Variants in GRAP2 observed in about 807,000 individuals in gnomAD.
GRAP2 encodes the protein GRB2-related adapter protein 2.
Under a neutral mutation model 43.5 loss-of-function variants are expected in GRAP2, and 31 were observed. The observed-to-expected ratio is 0.71, with a 90% CI of 0.54 to 0.96. GRAP2 has a LOEUF of 0.96. GRAP2 is among the 40% of genes least tolerant of loss of function. The probability of loss-of-function intolerance (pLI) is 0.00; values close to 1 mark genes in which losing one functional copy is unlikely to be tolerated. For synonymous variants in GRAP2, 156 were observed against 164.8 expected (o/e 0.95, Z 0.41); for missense variants, 371 against 424.4 (o/e 0.87, Z 1.11).
In GRAP2 at chr22:39,968,255, C is replaced by T; in HGVS notation, c.673C>T (p.His225Tyr). 1 of 1,612,696 alleles carries T rather than the reference C, an allele frequency of 6.2e-7. No homozygotes were observed. The highest frequency in any genetic ancestry group is 8.5e-7 in the Non-Finnish European group (1 of 1,178,750). ...GCCCCCACAGCAGCGATATCTGCAG[C>T]ACCACCATTTCCACCAGGTATCTGG... Reference protein sequence around the residue: ...QQPPQQRYLQHHHFHQERRGG... With the variant: ...QQPPQQRYLQYHHFHQERRGG... The change falls in exon 6 of 8, where the codon CAC (histidine) becomes TAC (tyrosine). Residue 225 changes from histidine to tyrosine, a missense_variant. Physicochemically the swap from His to Tyr is moderately conservative, Grantham distance 83 (BLOSUM62 2). Coordinates refer to ENST00000344138, the MANE Select transcript of GRAP2 (RefSeq NM_004810.4).
chr22:39,943,981 A>G (rs2066896091), intron 1 of GRAP2, among the ~76,000 whole-genome samples: 1 of 152,106 alleles, frequency 6.6e-6, no homozygotes, highest in Non-Finnish European at 1.5e-5. Flanking sequence ...CTGGGATTAC[A>G]GGCGTGAGCC....
At chr22:39,968,458 A>AACACACACACAC (rs138010) in intron 6 of GRAP2, 186 bp downstream of exon 6, 38 of 523,904 alleles carry the variant, frequency 7.3e-5, no homozygotes, top group African/African-American at 6.9e-4. Flanking sequence ...CTCCCACCTG[A>AACACACACACAC]ACACACACAC....
At chr22:39,951,292 A>G (rs1401992094) in intron 2 of GRAP2, among the ~76,000 whole-genome samples, 1 of 152,200 alleles carries the variant, frequency 6.6e-6, no homozygotes, top group African/African-American at 2.4e-5. Flanking sequence ...CCAGCCTCAC[A>G]TTTGAATTTG....
chr22:39,942,930 G>A (rs545866991), intron 1 of GRAP2, among the ~76,000 whole-genome samples: 1 of 152,092 alleles, frequency 6.6e-6, no homozygotes, highest in Admixed American at 6.5e-5. Context: ...ACATAAACTG[G>A]GGCAAGTATT....
chr22:39,956,520 C>T (rs907723228), intron 3 of GRAP2, among the ~76,000 whole-genome samples: 2 of 149,674 alleles, frequency 1.3e-5, no homozygotes, highest in Admixed American at 6.7e-5. Flanking sequence ...TGAGACAGAA[C>T]CTTGCTCTGT....
chr22:39,895,087 G>A, the GRAP2 span, among the ~76,000 whole-genome samples: 1 of 152,174 alleles, frequency 6.6e-6, no homozygotes, highest in Non-Finnish European at 1.5e-5. Context: ...TATTAGTGGA[G>A]CAGCAGAGGA....
intron 4 of GRAP2, chr22:39,964,100 A>G (rs1188099024): frequency 4.5e-5 from 16 of 358,090 alleles, no homozygotes; most frequent in Non-Finnish European, 5.0e-6. Flanking sequence ...ACATCAGGCA[A>G]TTGGCATCAC....
intron 1 of GRAP2, among the ~76,000 whole-genome samples, chr22:39,930,200 A>G (rs1218320389): frequency 6.6e-6 from 1 of 152,174 alleles, no homozygotes; most frequent in Non-Finnish European, 1.5e-5. Context: ...TGTGACTTGC[A>G]TTCTATTTCT....
At chr22:39,970,443 T>C (rs568505683) in intron 7 of GRAP2, among the ~76,000 whole-genome samples, 7 of 152,298 alleles carry the variant, frequency 4.6e-5, no homozygotes, top group Middle Eastern at 3.4e-3. Context: ...TTGGGGCATG[T>C]TGCCCTTCTG....
chr22:39,936,698 AAGAG>A (rs772648670), intron 1 of GRAP2, among the ~76,000 whole-genome samples: 6 of 151,970 alleles, frequency 3.9e-5, no homozygotes, highest in African/African-American at 1.5e-4. Flanking sequence ...GAGAAAGAGG[AAGAG>A]AGAGAGACAG....
chr22:39,905,314 T>C (rs1027057301), intron 1 of GRAP2, among the ~76,000 whole-genome samples: 1 of 152,274 alleles, frequency 6.6e-6, no homozygotes, highest in Non-Finnish European at 1.5e-5. Context: ...GACATGCAAA[T>C]TCATCATTAT....
chr22:39,917,263 C>T (rs1009052829), intron 1 of GRAP2, among the ~76,000 whole-genome samples: 11 of 152,198 alleles, frequency 7.2e-5, no homozygotes, highest in African/African-American at 2.7e-4. Context: ...AGCTCTCTAA[C>T]ATCGTTTCTC....
intron 2 of GRAP2, among the ~76,000 whole-genome samples, chr22:39,953,640 C>G (rs1392371159): frequency 6.6e-6 from 1 of 152,190 alleles, no homozygotes; most frequent in Non-Finnish European, 1.5e-5. Context: ...GACAGAGTCT[C>G]TCTCTGTTGT....
intron 1 of GRAP2, among the ~76,000 whole-genome samples, chr22:39,934,117 G>A (rs1162360142): frequency 1.3e-5 from 2 of 152,118 alleles, no homozygotes; most frequent in East Asian, 1.9e-4. Flanking sequence ...ACCCTGTTAC[G>A]GTTTCTTTCT....
At chr22:39,946,004 G>A (rs2066918553) in intron 1 of GRAP2, among the ~76,000 whole-genome samples, 1 of 152,152 alleles carries the variant, frequency 6.6e-6, no homozygotes, top group South Asian at 2.1e-4. Flanking sequence ...GGGATTACAG[G>A]CACGTGCCAC....
chr22:39,916,316 A>G (rs2066602167), intron 1 of GRAP2, among the ~76,000 whole-genome samples: 1 of 152,204 alleles, frequency 6.6e-6, no homozygotes, highest in Admixed American at 6.5e-5. Flanking sequence ...TCAAGGAGAG[A>G]ATTCCACGGA....
At chr22:39,953,080 G>A (rs1807440717) in intron 2 of GRAP2, among the ~76,000 whole-genome samples, 1 of 152,230 alleles carries the variant, frequency 6.6e-6, no homozygotes, top group East Asian at 1.9e-4. Flanking sequence ...CAAGCACTTA[G>A]TTCTTTCCAT....
At chr22:39,911,285 G>A (rs1389517266) in intron 1 of GRAP2, among the ~76,000 whole-genome samples, 1 of 151,984 alleles carries the variant, frequency 6.6e-6, no homozygotes, top group African/African-American at 2.4e-5. Flanking sequence ...GTAACATCAC[G>A]TGATGGTCAG....
Position 39,947,168 on chromosome 22 carries a change from C to G in GRAP2, c.62C>G (p.Thr21Ser). The G allele has an allele frequency of 6.3e-7, 1 of 1,592,998 alleles. No individual in the cohort carries two copies. The highest frequency in any genetic ancestry group is 8.6e-7 in the Non-Finnish European group (1 of 1,160,736). Reference sequence around the variant, plus strand: ...GGTGAGGATGAACTGAGCTTTCACACTGGAGATGTTTTGAAGGTAGGTGAC... The same window carrying G: ...GGTGAGGATGAACTGAGCTTTCACAGTGGAGATGTTTTGAAGGTAGGTGAC... ...ASGEDELSFH[T>S]GDVLKILSNQ... The change falls in exon 2 of 8, where the codon ACT becomes AGT. Residue 21 changes from threonine (T) to serine (S), a missense_variant. Coordinates refer to ENST00000344138, the MANE Select transcript of GRAP2 (RefSeq NM_004810.4).
Sources: allele counts gnomAD v4.1 joint callset (sites outside exome capture counted in the v4.1 genomes callset), GRCh38; gene constraint gnomAD v4.1.1; transcripts MANE v1.5; gene names NCBI Gene and HGNC (gene_info 2026-07-23, HGNC 2026-07-21).